PIGG: variants seen among roughly 807,000 people sequenced by gnomAD.
The protein encoded by PIGG is GPI ethanolamine phosphate transferase 2, catalytic subunit.
A neutral mutation model predicts 83.2 loss-of-function variants in PIGG; 70 were observed. The ratio of observed to expected loss-of-function variants is 0.84; its 90% CI spans 0.69 to 1.03. The LOEUF is 1.03. Among genes scored for constraint, PIGG ranks in the 50% least tolerant of loss-of-function variants. The pLI is 0.00. For synonymous variants in PIGG, 532 were observed against 519.5 expected (o/e 1.02, Z -0.33); for missense variants, 1,257 against 1,233.6 (o/e 1.02, Z -0.28).
intron 2 of PIGG, among the ~76,000 whole-genome samples, chr4:504,330 C>G (rs562341779): frequency 1.3e-5 from 2 of 152,232 alleles, no homozygotes; most frequent in African/African-American, 4.8e-5. Context: ...TTCATAACCT[C>G]CCTGGGTGTG....
rs919702757 is a variant in PIGG, at chr4:505,944, A to G, written c.570+17A>G. On this transcript the variant is annotated intron_variant, in intron 3 of 12. Transcript: ENST00000453061. The stretch of plus-strand genomic sequence containing the variant: ...TACACAGAGGTCAGTTTTTAAAATA[A>G]GAAAATATATCATACTAGAATATCA... 2 of 1,521,932 alleles carry G rather than the reference A, an allele frequency of 1.3e-6. No individual in the cohort carries two copies. The highest frequency in any genetic ancestry group is 1.8e-6 in the Non-Finnish European group (2 of 1,097,924). 94.3% of individuals were successfully genotyped at this position (1,521,932 alleles called of 1,614,324 possible).
At chr4:499,646 T>C in intron 1 of PIGG, 157 bp downstream of exon 1, 1 of 1,418,266 alleles carries the variant, frequency 7.1e-7, no homozygotes, top group Non-Finnish European at 9.2e-7. Context: ...CGCTCCAGCG[T>C]CTCTTTTCTG....
chr4:528,679 G>T lies in PIGG; in HGVS notation c.2261+1449G>T. On this transcript the variant is annotated intron_variant, in intron 10 of 12. Coordinates refer to ENST00000453061, the MANE Select transcript of PIGG (RefSeq NM_001127178.3). The surrounding 1 kb of genome is among the most constrained non-coding windows in gnomAD (Gnocchi z 4.8). ...AAATGGATGTTACATTTGCGGGTGT[G>T]TGTTTAAGGTGCAGCGTATGAATAA... 2.0e-6 allele frequency: 2 copies of T among 985,360 alleles called. No homozygotes were observed. Among genetic ancestry groups the T allele is most frequent in the Non-Finnish European group, 2.4e-6 (2 of 829,874 alleles). The allele number at this position is 985,360 out of a possible 1,614,324, so 61.0% of individuals were successfully genotyped here.
Position 505,798 on chromosome 4 carries a change from G to C in PIGG, c.441G>C (p.Val147=). The change falls in exon 3 of 13, where the codon GTG becomes GTC. Residue 147 remains valine, a synonymous_variant. Transcript: ENST00000453061. ...CTCCTGCACTGCTGGAAGACAGTGT[G>C]ATAAGACAAGCAAAAGCAGCTGGAA... ...LNSPALLEDS[V]IRQAKAAGKR... 1 of 1,613,582 alleles carries C rather than the reference G, an allele frequency of 6.2e-7. No individual in the cohort carries two copies. Among genetic ancestry groups the C allele is most frequent in the South Asian group, 1.1e-5 (1 of 91,038 alleles).
intron 6 of PIGG, among the ~76,000 whole-genome samples, chr4:518,516 C>T (rs1410072616): frequency 1.3e-5 from 2 of 152,170 alleles, no homozygotes; most frequent in African/African-American, 4.8e-5. Context: ...TGGTGTGAAC[C>T]CGGGAGGCGG....
rs2108941430 is a variant in PIGG, at chr4:521,218, A to G, written c.1277A>G (p.Gln426Arg). Residue 426 changes from glutamine (Q) to arginine (R), a missense_variant, in exon 7 of 13, where the codon CAA becomes CGA. Physicochemically the swap from Gln to Arg is conservative, Grantham distance 43. Transcript: ENST00000453061. ...ACGCTGAGCTTGTCCCTGAGTGCAC[A>G]AGTGGCCCAGTACGACATCTATTCG... ...LKTLSLSLSA[Q>R]VAQYDIYSMM... 1.9e-6 allele frequency: 3 copies of G among 1,614,156 alleles called. No individual in the cohort carries two copies. Among genetic ancestry groups the G allele is most frequent in the Non-Finnish European group, 2.5e-6 (3 of 1,180,012 alleles).
Position 533,982 on chromosome 4 carries a change from G to A in PIGG, c.2735+1G>A. 1 of 1,613,786 alleles carries A rather than the reference G, an allele frequency of 6.2e-7. No individual in the cohort carries two copies. The highest frequency in any genetic ancestry group is 8.5e-7 in the Non-Finnish European group (1 of 1,179,684). ...ACTTCCTGAGCTCAGAAACACGCAG[G>A]TGAGGCGCCTCTCTGCCGTCAGCAC... On this transcript the variant is annotated splice_donor_variant, in intron 12 of 12. Coordinates refer to ENST00000453061, the MANE Select transcript of PIGG (RefSeq NM_001127178.3). LOFTEE classifies it high-confidence loss of function.
rs553216701 is a variant in PIGG at position 505,190 on chromosome 4, C to T, written c.361-528C>T. Among the ~76,000 whole-genome samples the T allele has an allele frequency of 5.3e-5, 8 of 152,208 alleles. No individual in the cohort carries two copies. The East Asian group carries it at 7.7e-4, about 15-fold the overall frequency. ...GCTTCTCTGGCTGTTGCCGTCGTCT[C>T]GCTATCCCTAGCCGCCTCCTTTAAC... On this transcript the variant is annotated intron_variant, in intron 2 of 12. Coordinates refer to ENST00000453061, the MANE Select transcript of PIGG (RefSeq NM_001127178.3).
chr4:500,389 CACTT>C lies in PIGG; in HGVS notation c.155-5_155-2del. 6.2e-7 allele frequency: 1 copy of C among 1,607,512 alleles called. No individual in the cohort carries two copies. The highest frequency in any genetic ancestry group is 1.1e-5 in the South Asian group (1 of 90,528). On this transcript the variant is annotated splice_polypyrimidine_tract_variant and splice_region_variant and intron_variant, in intron 1 of 12. Transcript: ENST00000453061. ...TCAATTTCCTTTTTTTTCTTTCAAACACTTAGGAGCCAGTTCTAACTGGACCACG... is the reference window on the plus strand; with the variant it reads ...TCAATTTCCTTTTTTTTCTTTCAAACAGGAGCCAGTTCTAACTGGACCACG...
intron 12 of PIGG, among the ~76,000 whole-genome samples, chr4:537,834 A>G (rs908194151): frequency 1.4e-4 from 21 of 152,220 alleles, no homozygotes; most frequent in African/African-American, 4.8e-4. Context: ...TGGAGGGGCC[A>G]GAGACAGCCC....
intron 6 of PIGG, among the ~76,000 whole-genome samples, chr4:516,854 CAA>C (rs1178401194): frequency 1.1e-4 from 5 of 46,520 alleles, no homozygotes; most frequent in African/African-American, 4.3e-4. Flanking sequence ...GACTCTGCCT[CAA>C]AAAAAAAAAA....
chr4:499,617 C>T, intron 1 of PIGG, 128 bp downstream of exon 1: 1 of 1,422,878 alleles, frequency 7.0e-7, no homozygotes, highest in Non-Finnish European at 9.1e-7. Context: ...TGGTCCCCAC[C>T]TCAGAAATTT....
Position 521,871 on chromosome 4 carries a change from C to G in PIGG, c.1544C>G (p.Ala515Gly). 7 of 1,614,192 alleles carry G rather than the reference C, an allele frequency of 4.3e-6. No individual in the cohort carries two copies. Among genetic ancestry groups the G allele is most frequent in the Non-Finnish European group, 5.1e-6 (6 of 1,180,030 alleles). The change falls in exon 8 of 13, where the codon GCC becomes GGC. Residue 515 changes from alanine to glycine, a missense_variant. By Grantham distance (60) the Ala-to-Gly change is moderately conservative. Transcript: ENST00000453061. ...GCGGCAGGTGGGGTGATGGTGCTGG[C>G]CTCGGCGCTGCTGTGTGTGATTGTG... ...WLAAGGVMVLASALLCVIVSV... is the reference protein window; with the variant it reads ...WLAAGGVMVLGSALLCVIVSV...
chr4:501,182 T>C, intron 2 of PIGG: 1 of 455,762 alleles, frequency 2.2e-6, no homozygotes, highest in South Asian at 1.6e-5. Context: ...TAAGCCTTTA[T>C]TGATTGGCTC....
At chr4:527,817 T>C in intron 10 of PIGG, 2 of 985,248 alleles carry the variant, frequency 2.0e-6, no homozygotes, top group Non-Finnish European at 2.4e-6. Context: ...AATTGTGTTG[T>C]GGTGGTGAAC....
rs959771982 is a variant in PIGG at position 521,602 on chromosome 4, T to C, written c.1333-58T>C. 10 of 1,549,592 alleles carry C rather than the reference T, an allele frequency of 6.5e-6. No individual in the cohort carries two copies. In the East Asian group the frequency reaches 2.3e-4, roughly 35 times the overall value. Reference sequence around the variant, plus strand: ...CACGAGAGCGGGAGCTGGGCTTATTTTTAAGTGGGTTTCTCCAAGCCCAGC... The same window carrying C: ...CACGAGAGCGGGAGCTGGGCTTATTCTTAAGTGGGTTTCTCCAAGCCCAGC... On this transcript the variant is annotated intron_variant, in intron 7 of 12. Coordinates refer to ENST00000453061, the MANE Select transcript of PIGG (RefSeq NM_001127178.3).
rs781586577 is a variant in PIGG, at chr4:521,178, C to G, written c.1237C>G (p.Leu413Val). Residue 413 changes from leucine (L) to valine (V), a missense_variant, in exon 7 of 13, where the codon CTG becomes GTG. By Grantham distance (32) the Leu-to-Val change is conservative. Transcript: ENST00000453061. The part of the protein sequence containing the change: ...NLGSKVLRQY[L>V]DALKTLSLSL... ...GGGCTCCAAGGTTCTCAGGCAGTACCTGGATGCTCTGAAGACGCTGAGCTT... is the reference window on the plus strand; with the variant it reads ...GGGCTCCAAGGTTCTCAGGCAGTACGTGGATGCTCTGAAGACGCTGAGCTT... 3 of 1,614,076 alleles carry G rather than the reference C, an allele frequency of 1.9e-6. No homozygotes were observed. The South Asian group carries it at 3.3e-5, about 18-fold the overall frequency.
chr4:517,549 A>G (rs1170080920), intron 6 of PIGG, among the ~76,000 whole-genome samples: 1 of 152,142 alleles, frequency 6.6e-6, no homozygotes, highest in Non-Finnish European at 1.5e-5. Flanking sequence ...TTCAGGAAGC[A>G]TGGAGTGGGC....
chr4:510,228 A>G (rs1386676791), intron 5 of PIGG, among the ~76,000 whole-genome samples: 1 of 152,218 alleles, frequency 6.6e-6, no homozygotes, highest in Non-Finnish European at 1.5e-5. Context: ...CATTGGTTCT[A>G]CTGATTCTAA....
Sources: allele counts gnomAD v4.1 joint callset (sites outside exome capture counted in the v4.1 genomes callset), GRCh38; gene constraint gnomAD v4.1.1; non-coding constraint Gnocchi (gnomAD v3.1); transcripts MANE v1.5; gene names NCBI Gene and HGNC (gene_info 2026-07-23, HGNC 2026-07-21).